PTPDC1: variants seen among roughly 807,000 people sequenced by gnomAD.
PTPDC1 encodes protein tyrosine phosphatase domain containing 1.
Under a neutral mutation model 75.3 loss-of-function variants are expected in PTPDC1, and 53 were observed. That is an observed-to-expected ratio of 0.70 (90% CI 0.56 to 0.88). PTPDC1 has a LOEUF of 0.88. PTPDC1 is among the 40% of genes least tolerant of loss of function. PTPDC1 has a pLI of 0.00. For missense variants in PTPDC1, 925 were observed against 998.6 expected, an observed-to-expected ratio of 0.93 and a Z score of 0.99; for synonymous variants, 349 against 366.2, an observed-to-expected ratio of 0.95 and a Z score of 0.54.
chr9:94,082,136 T>C (rs1826903625), upstream of PTPDC1, among the ~76,000 whole-genome samples: 1 of 152,210 alleles, frequency 6.6e-6, no homozygotes, highest in South Asian at 2.1e-4. Flanking sequence ...AAGAAAACAT[T>C]TGAGCTGTCT....
At chr9:94,093,872 G>A (rs1469443238) in intron 4 of PTPDC1, among the ~76,000 whole-genome samples, 9 of 148,144 alleles carry the variant, frequency 6.1e-5, no homozygotes, top group African/African-American at 1.8e-4. Flanking sequence ...CCAGTTGATC[G>A]CATCGGCTCC....
At chr9:94,030,824 C>G (rs949002848) in exon 1 of PTPDC1, 3 of 152,278 alleles carry the variant, frequency 2.0e-5, no homozygotes, top group Non-Finnish European at 4.4e-5. Context: ...GCGCCGGGGA[C>G]GCGGCCTCAG....
At chr9:94,100,077 A>G (rs568454457) in intron 6 of PTPDC1, 2 of 152,370 alleles carry the variant, frequency 1.3e-5, no homozygotes, top group Non-Finnish European at 2.9e-5. Context: ...GATTTTTCAC[A>G]GTTATCATAG....
chr9:94,101,770 C>T lies in PTPDC1; in HGVS notation c.2199+19C>T. ...AGAGAAGGTAAAGTGGCTGTAGGAC[C>T]AGTTAATGACTGTAACTGAGGCCCT... On this transcript the variant is annotated intron_variant, in intron 7 of 8. Transcript: ENST00000620992. 1.3e-6 allele frequency: 2 copies of T among 1,508,044 alleles called. No homozygotes were observed. The highest frequency in any genetic ancestry group is 1.8e-6 in the Non-Finnish European group (2 of 1,107,136). The allele number at this position is 1,508,044 out of a possible 1,614,324, so 93.4% of individuals were successfully genotyped here. A position where few individuals can be genotyped will look rare whatever the true frequency, so the allele number is the denominator to read the frequency against.
chr9:94,107,820 G>T lies in PTPDC1; in HGVS notation c.2311-8G>T. 6.6e-7 allele frequency: 1 copy of T among 1,519,582 alleles called. No individual in the cohort carries two copies. The highest frequency in any genetic ancestry group is 9.0e-7 in the Non-Finnish European group (1 of 1,110,864). The allele number at this position is 1,519,582 out of a possible 1,614,324, so 94.1% of individuals were successfully genotyped here. On this transcript the variant is annotated splice_polypyrimidine_tract_variant and splice_region_variant and intron_variant, in intron 8 of 8. Transcript: ENST00000620992. ...CAGTGTCCTGAATATAAATTTCTTT[G>T]TCACCAGGTTAATTTTGATTCTGAA... is the stretch of plus-strand genomic sequence containing the variant.
At chr9:94,067,590 A>G (rs535040604) in intron 2 of PTPDC1, among the ~76,000 whole-genome samples, 1 of 152,184 alleles carries the variant, frequency 6.6e-6, no homozygotes, top group East Asian at 1.9e-4. Context: ...AAAAAAAGTC[A>G]ATACATTGTA....
chr9:94,098,505 G>A lies in PTPDC1; in HGVS notation c.1939G>A (p.Ala647Thr). The A allele has an allele frequency of 6.2e-7, 1 of 1,614,162 alleles. No individual in the cohort carries two copies. The highest frequency in any genetic ancestry group is 8.5e-7 in the Non-Finnish European group (1 of 1,180,014). ...ELSAEARRIL[A>T]AKALANLNES... ...GAGTGCTGAGGCAAGAAGAATACTG[G>A]CGGCCAAAGCCCTAGCAAATTTAAA... The change falls in exon 6 of 9, where the codon GCG becomes ACG. Residue 647 changes from alanine to threonine, a missense_variant. By Grantham distance (58) the Ala-to-Thr change is moderately conservative. Transcript: ENST00000620992.
chr9:94,072,398 A>G lies in PTPDC1; in HGVS notation c.82+7577A>G, dbSNP rs538169992. 9.9e-5 allele frequency among the ~76,000 whole-genome samples: 15 copies of G among 152,208 alleles called. No individual in the cohort carries two copies. In the East Asian group the frequency reaches 2.3e-3, roughly 23 times the overall value. ...TTGTATGTTGATTTTATGCCTTACT[A>G]CTTTGCTGAACTCACTTTCCATTCT... is the stretch of plus-strand genomic sequence containing the variant. On this transcript the variant is annotated intron_variant, in intron 2 of 9. Transcript: ENST00000375360.
rs1483408082 is a variant in PTPDC1, at chr9:94,038,122, T to C, written c.-7+6995T>C. The C allele has an allele frequency of 1.2e-5, 7 of 578,406 alleles. 1 individual carries two copies. The highest frequency in any genetic ancestry group is 2.3e-5 in the Non-Finnish European group (7 of 305,550). 35.8% of individuals were successfully genotyped at this position (578,406 alleles called of 1,614,324 possible). On this transcript the variant is annotated intron_variant, in intron 1 of 9. Transcript: ENST00000375360. ...AGGGAGGCAAGCATAAGACTGAGCA[T>C]AATCTCCATGGTCTCTTCGGGCAGA...
At chr9:94,093,882 C>T (rs1827427399) in intron 4 of PTPDC1, among the ~76,000 whole-genome samples, 1 of 150,360 alleles carries the variant, frequency 6.7e-6, no homozygotes, top group South Asian at 2.2e-4. Flanking sequence ...GCATCGGCTC[C>T]TGAGGCTTCT....
chr9:94,105,558 C>T (rs989130355), intron 8 of PTPDC1, among the ~76,000 whole-genome samples: 4 of 151,550 alleles, frequency 2.6e-5, no homozygotes, highest in Non-Finnish European at 5.9e-5. Context: ...GTCCCAGCTA[C>T]TCAGGAGGCT....
At chr9:94,064,635 G>A (rs1441307419) in intron 1 of PTPDC1, 2 of 736,868 alleles carry the variant, frequency 2.7e-6, no homozygotes, top group East Asian at 5.5e-5. Context: ...CTTGGCCAGT[G>A]ACTGCAGCAT....
At position 94,041,242 on chromosome 9, in the gene PTPDC1, C is replaced by G. The variant is rs191851596; in HGVS notation, c.-7+10115C>G. ...CAAGGACCACAGGGAAGGTTTTCTT[C>G]TCTCTGTGATTAGTTGCATTTGTTG... On this transcript the variant is annotated intron_variant, in intron 1 of 9. Coordinates refer to the PTPDC1 transcript ENST00000375360. 8.9e-4 allele frequency among the ~76,000 whole-genome samples: 135 copies of G among 152,304 alleles called. 1 individual carries two copies. The highest frequency in any genetic ancestry group is 3.1e-3 in the African/African-American group (128 of 41,570).
intron 2 of PTPDC1, among the ~76,000 whole-genome samples, chr9:94,068,772 A>C (rs1826410184): frequency 6.6e-6 from 1 of 152,066 alleles, no homozygotes; most frequent in South Asian, 2.1e-4. Flanking sequence ...ATAACTGGAG[A>C]TTTTCTAATT....
rs150238247 is a variant in PTPDC1 at position 94,095,325 on chromosome 9, T to G, written c.625T>G (p.Tyr209Asp). Residue 209 changes from tyrosine to aspartate, a missense_variant, in exon 5 of 9, where the codon TAC becomes GAC. Tyr to Asp is a radical substitution (Grantham distance 160). Transcript: ENST00000620992. ...CTTTTCTTTTTTCCTAGTTTACTTC[T>G]ACAATTTCGGATGGAAGGATTATGG... ...EAFMEAGIYF[Y>D]NFGWKDYGVA... 3.1e-6 allele frequency: 5 copies of G among 1,600,330 alleles called. No individual in the cohort carries two copies. The African/African-American group carries it at 6.7e-5, about 22-fold the overall frequency.
Position 94,097,740 on chromosome 9 carries a change from AG to A in PTPDC1, c.1176del (p.Arg392SerfsTer24). ...CATGCAGCTGGATAAAGAGTTACTG[AG>A]GCATGACAGTGATGTGTCCAACCCG... ...VTMQLDKELL[R>X]HDSDVSNPPN... On this transcript the variant is annotated frameshift_variant, in exon 6 of 9. Transcript: ENST00000620992. LOFTEE classifies it high-confidence loss of function. The A allele has an allele frequency of 6.2e-7, 1 of 1,614,176 alleles. No individual in the cohort carries two copies. The highest frequency in any genetic ancestry group is 8.5e-7 in the Non-Finnish European group (1 of 1,180,044).
intron 1 of PTPDC1, among the ~76,000 whole-genome samples, chr9:94,056,256 A>C (rs558574699): frequency 6.6e-6 from 1 of 152,166 alleles, no homozygotes; most frequent in African/African-American, 2.4e-5. Flanking sequence ...TTATATTATT[A>C]ATGAGCATAA....
intron 2 of PTPDC1, among the ~76,000 whole-genome samples, chr9:94,078,736 T>C (rs752380792): frequency 3.5e-4 from 54 of 152,330 alleles, no homozygotes; most frequent in Non-Finnish European, 6.2e-4. Context: ...AATTCTTCCT[T>C]CTGCCACTTC....
chr9:94,092,990 G>A (rs1196681702), intron 4 of PTPDC1, among the ~76,000 whole-genome samples: 3 of 151,340 alleles, frequency 2.0e-5, no homozygotes, highest in African/African-American at 7.3e-5. Flanking sequence ...CTGCACGTGA[G>A]ATGGGTTTCC....
Sources: allele counts gnomAD v4.1 joint callset (sites outside exome capture counted in the v4.1 genomes callset), GRCh38; gene constraint gnomAD v4.1.1; transcripts MANE v1.5; gene names NCBI Gene and HGNC (gene_info 2026-07-23, HGNC 2026-07-21).